Variants in FAM177A1 observed in about 807,000 individuals in gnomAD.
The protein encoded by FAM177A1 is family with sequence similarity 177 member A1.
In FAM177A1, 22 loss-of-function variants were observed where a neutral mutation model predicts 26.1. That is an observed-to-expected ratio of 0.84 (90% confidence interval 0.60 to 1.20). The LOEUF is 1.20. Ranked by LOEUF, FAM177A1 falls within the 50% of genes most tolerant of loss-of-function variation. FAM177A1 has a pLI of 0.00. For synonymous variants in FAM177A1, 95 were observed against 99.3 expected (o/e 0.96, Z 0.26); for missense variants, 296 against 291.1 (o/e 1.02, Z -0.12).
At chr14:35,054,829 T>G (rs761023091) in intron 2 of FAM177A1, 2 of 148,752 alleles carry the variant, frequency 1.3e-5, no homozygotes, top group Non-Finnish European at 3.0e-5. Flanking sequence ...ACAAAAAAAT[T>G]AGCCAGGCAT....
In FAM177A1 at chr14:35,062,607, T is replaced by G. The variant is rs143394923; in HGVS notation, c.339+9156T>G. Among the ~76,000 whole-genome samples, 330 of 152,114 alleles carry G rather than the reference T, an allele frequency of 2.2e-3. 1 individual carries two copies. The highest frequency in any genetic ancestry group is 7.2e-3 in the African/African-American group (301 of 41,526). The stretch of plus-strand genomic sequence containing the variant: ...CCTACCTGTAGTTGTTTTTAAAGAT[T>G]AAATGAGATAATATCTATGAAAACT... On this transcript the variant is annotated intron_variant, in intron 2 of 4. Coordinates refer to ENST00000280987, the MANE Select transcript of FAM177A1 (RefSeq NM_173607.5).
At chr14:35,065,419 A>G (rs2045227028) in intron 2 of FAM177A1, among the ~76,000 whole-genome samples, 1 of 150,214 alleles carries the variant, frequency 6.7e-6, no homozygotes, top group African/African-American at 2.4e-5. Flanking sequence ...AAATTTTTAA[A>G]GCTTAGAACT....
chr14:35,060,977 T>C (rs926904199), intron 2 of FAM177A1, among the ~76,000 whole-genome samples: 2 of 152,028 alleles, frequency 1.3e-5, no homozygotes, highest in African/African-American at 4.8e-5. Flanking sequence ...ATATAACTAT[T>C]ATTACAGTGT....
chr14:35,046,381 C>G lies in FAM177A1; in HGVS notation c.-83C>G, dbSNP rs1482365283. 7.5e-7 allele frequency: 1 copy of G among 1,331,642 alleles called. No individual in the cohort carries two copies. Among genetic ancestry groups the G allele is most frequent in the Middle Eastern group, 2.8e-4 (1 of 3,584 alleles). 82.5% of individuals were successfully genotyped at this position (1,331,642 alleles called of 1,614,324 possible). ...TCCCCTTCTCAGAGACTTGGCTAGG[C>G]GCGGCGCGAGGCGGGCGCTGGGCGG... On this transcript the variant is annotated 5_prime_UTR_variant, in exon 1 of 5. Coordinates refer to ENST00000280987, the MANE Select transcript of FAM177A1 (RefSeq NM_173607.5).
chr14:35,052,913 C>T (rs778618387), intron 1 of FAM177A1, among the ~76,000 whole-genome samples: 1 of 152,136 alleles, frequency 6.6e-6, no homozygotes. Flanking sequence ...CAGCCAGACC[C>T]TGTCTGGGGG....
At chr14:35,050,751 C>G (rs892314459) in intron 1 of FAM177A1, 1 of 152,138 alleles carries the variant, frequency 6.6e-6, no homozygotes, top group African/African-American at 2.4e-5. Flanking sequence ...GACTGGAGAT[C>G]TAACTTAGCT....
rs996146905 is a variant in FAM177A1 at position 35,079,010 on chromosome 14, C to T, written c.490C>T (p.Arg164Trp). 2.5e-5 allele frequency: 39 copies of T among 1,555,154 alleles called. No individual in the cohort carries two copies. The highest frequency in any genetic ancestry group is 2.3e-4 in the South Asian group (18 of 79,660). Residue 164 changes from arginine (R) to tryptophan (W), a missense_variant, in exon 4 of 5, where the codon CGG becomes TGG. Transcript: ENST00000280987. ...CCAATATGCCATTGATGAATATTATCGGATGAAGAAGGAGGTATGCCTCCT... is the reference window on the plus strand; with the variant it reads ...CCAATATGCCATTGATGAATATTATTGGATGAAGAAGGAGGTATGCCTCCT... ...KYQYAIDEYYRMKKEEEEEEE... is the reference protein window; with the variant it reads ...KYQYAIDEYYWMKKEEEEEEE...
At chr14:35,077,248 T>G (rs1427850945) in intron 3 of FAM177A1, 32 bp downstream of exon 3, 8 of 1,580,524 alleles carry the variant, frequency 5.1e-6, no homozygotes, top group Admixed American at 1.7e-5. Context: ...ATTGTATAAT[T>G]GCTGTAACAT....
intron 2 of FAM177A1, among the ~76,000 whole-genome samples, chr14:35,057,665 C>T (rs2045082510): frequency 6.6e-6 from 1 of 152,174 alleles, no homozygotes; most frequent in African/African-American, 2.4e-5. Flanking sequence ...TAGGTGTGAG[C>T]CACTGCGCCC....
At chr14:35,080,677 TG>T in intron 4 of FAM177A1, among the ~76,000 whole-genome samples, 1 of 152,190 alleles carries the variant, frequency 6.6e-6, no homozygotes, top group Admixed American at 6.5e-5. Context: ...GGCAGGTGCT[TG>T]TAGTCCCAGC....
chr14:35,072,256 CAAAG>C (rs1354579057), intron 2 of FAM177A1, among the ~76,000 whole-genome samples: 2 of 150,100 alleles, frequency 1.3e-5, no homozygotes, highest in Non-Finnish European at 3.0e-5. Context: ...GCCTGGGTGA[CAAAG>C]AAAAGATAAA....
At chr14:35,067,123 G>A (rs2045252376) in intron 2 of FAM177A1, among the ~76,000 whole-genome samples, 3 of 152,048 alleles carry the variant, frequency 2.0e-5, no homozygotes. Context: ...CATATTTATT[G>A]CCTCAAGTAC....
chr14:35,051,716 T>TA (rs1435057887), intron 1 of FAM177A1, among the ~76,000 whole-genome samples: 4 of 152,154 alleles, frequency 2.6e-5, no homozygotes, highest in Admixed American at 6.6e-5. Flanking sequence ...GCTGGCCTGT[T>TA]ACCAAATTTT....
chr14:35,072,797 T>G (rs1263394175), intron 2 of FAM177A1, among the ~76,000 whole-genome samples: 1 of 152,190 alleles, frequency 6.6e-6, no homozygotes, highest in Non-Finnish European at 1.5e-5. Flanking sequence ...GTGTTGTGTC[T>G]GTTAGCTCTT....
chr14:35,046,667 G>A, intron 1 of FAM177A1, 39 bp downstream of exon 1: 1 of 1,507,804 alleles, frequency 6.6e-7, no homozygotes, highest in Non-Finnish European at 8.9e-7. Flanking sequence ...GGGGAGCCGA[G>A]CCGCCTCCTT....
intron 2 of FAM177A1, among the ~76,000 whole-genome samples, chr14:35,062,309 A>G (rs1269680051): frequency 1.3e-5 from 2 of 152,134 alleles, no homozygotes; most frequent in Non-Finnish European, 1.5e-5. Flanking sequence ...TGCTGTTATG[A>G]TAGAGGTCTA....
chr14:35,046,481 G>A lies in FAM177A1; in HGVS notation c.18G>A (p.Pro6=), dbSNP rs1358976701. The change falls in exon 1 of 5, where the codon CCG becomes CCA. Residue 6 remains proline (P), a synonymous_variant. Coordinates refer to ENST00000280987, the MANE Select transcript of FAM177A1 (RefSeq NM_173607.5). ...GACCAAGGATGGAAGTGGGCTTACC[G>A]GCCATTACCCTCTTTCTCACCAGCG... MEVGL[P]AITLFLTSAS... is the part of the protein sequence containing the mutation. The A allele has an allele frequency of 6.3e-7, 1 of 1,593,260 alleles. No homozygotes were observed. Among genetic ancestry groups the A allele is most frequent in the Non-Finnish European group, 8.5e-7 (1 of 1,170,792 alleles).
rs183417172 is a variant in FAM177A1, at chr14:35,069,575, G to A, written c.340-7575G>A. 1.4e-3 allele frequency among the ~76,000 whole-genome samples: 212 copies of A among 152,058 alleles called. 2 individuals carry two copies. In the East Asian group the frequency reaches 0.032, roughly 23 times the overall value. On this transcript the variant is annotated intron_variant, in intron 2 of 4. Coordinates refer to ENST00000280987, the MANE Select transcript of FAM177A1 (RefSeq NM_173607.5). ...GCTGGGATTACAGGCATGAGCCACC[G>A]TGCCTGGCCCCATTGGAGTACTTTT...
intron 2 of FAM177A1, among the ~76,000 whole-genome samples, chr14:35,061,662 T>C (rs969625830): frequency 6.7e-6 from 1 of 148,712 alleles, no homozygotes; most frequent in African/African-American, 2.5e-5. Context: ...TACCTAATGC[T>C]AAATGACAAG....
Sources: gnomAD v4.1 joint callset for allele counts (sites outside exome capture counted in the v4.1 genomes callset) on GRCh38, gnomAD v4.1.1 for gene constraint, MANE v1.5 for transcripts, NCBI Gene and HGNC (gene_info 2026-07-23, HGNC 2026-07-21) for gene names.